The following TAFA4 variants were observed in gnomAD, a reference collection of about 807,000 sequenced individuals.
TAFA4 encodes chemokine-like protein TAFA-4.
Under a neutral mutation model 21.1 loss-of-function variants are expected in TAFA4, and 20 were observed. That is an observed-to-expected ratio of 0.95 (90% confidence interval 0.67 to 1.38). The LOEUF (loss-of-function observed/expected upper bound fraction) is 1.38. TAFA4 is among the 40% of genes most tolerant of loss of function. TAFA4 has a pLI of 0.00. For synonymous variants in TAFA4, 71 were observed against 67.4 expected (o/e 1.05, Z -0.26); for missense variants, 211 against 180.9 (o/e 1.17, Z -0.95).
At position 68,901,753 on chromosome 3, in the gene TAFA4, AC is replaced by A. The variant is rs1455025597; in HGVS notation, c.-122-16444del. 5.3e-5 allele frequency among the ~76,000 whole-genome samples: 8 copies of A among 152,200 alleles called. No individual in the cohort carries two copies. The East Asian group carries it at 1.2e-3, about 22-fold the overall frequency. The stretch of plus-strand genomic sequence containing the variant: ...TCTCTATTTGTAAAATCTGAAACAA[AC>A]TGCAAAAGCTGACTTTGGCTGATAC... On this transcript the variant is annotated intron_variant, in intron 1 of 5. Transcript: ENST00000295569.
intron 3 of TAFA4, among the ~76,000 whole-genome samples, chr3:68,814,393 G>A (rs1339239118): frequency 6.6e-6 from 1 of 152,108 alleles, no homozygotes; most frequent in Non-Finnish European, 1.5e-5. Context: ...GTTTGCAGAT[G>A]ACATGATTGT....
intron 3 of TAFA4, among the ~76,000 whole-genome samples, chr3:68,755,041 C>A (rs1163335139): frequency 6.6e-6 from 1 of 152,212 alleles, no homozygotes; most frequent in African/African-American, 2.4e-5. Flanking sequence ...TTACTCATCA[C>A]AACTAGGGAG....
intron 1 of TAFA4, among the ~76,000 whole-genome samples, chr3:68,927,893 C>CAA (rs1209770129): frequency 8.1e-6 from 1 of 123,506 alleles, no homozygotes; most frequent in African/African-American, 2.9e-5. Flanking sequence ...GACACCATCT[C>CAA]AAAAAAAAAA....
At chr3:68,852,247 T>A (rs114600401) in intron 3 of TAFA4, among the ~76,000 whole-genome samples, 89 of 152,260 alleles carry the variant, frequency 5.8e-4, no homozygotes, top group African/African-American at 1.6e-3. Context: ...GGAGGGACCA[T>A]GCATCTAAAG....
intron 5 of TAFA4, among the ~76,000 whole-genome samples, chr3:68,734,848 C>T (rs903713617): frequency 6.6e-6 from 1 of 152,138 alleles, no homozygotes; most frequent in Non-Finnish European, 1.5e-5. Flanking sequence ...CTTTCTGGAT[C>T]TATCAGTCTA....
At chr3:68,865,085 T>G (rs927637403) in intron 3 of TAFA4, among the ~76,000 whole-genome samples, 10 of 152,152 alleles carry the variant, frequency 6.6e-5, no homozygotes, top group African/African-American at 2.4e-4. Flanking sequence ...AAGTGTACAC[T>G]TTCAAATTTG....
At chr3:68,759,597 G>A (rs1461777981) in intron 3 of TAFA4, among the ~76,000 whole-genome samples, 1 of 152,146 alleles carries the variant, frequency 6.6e-6, no homozygotes, top group African/African-American at 2.4e-5. Context: ...TAAAACAGCA[G>A]GGGAACATAA....
chr3:68,753,789 C>G (rs1388264376), intron 3 of TAFA4, among the ~76,000 whole-genome samples: 1 of 152,196 alleles, frequency 6.6e-6, no homozygotes, highest in Non-Finnish European at 1.5e-5. Flanking sequence ...AAATGGAGAT[C>G]TCAGTCCTAC....
intron 3 of TAFA4, among the ~76,000 whole-genome samples, chr3:68,764,954 C>A (rs567394990): frequency 6.6e-6 from 1 of 152,240 alleles, no homozygotes; most frequent in African/African-American, 2.4e-5. Context: ...CCTTTCCCAG[C>A]ATCCCTGAAA....
rs139468297 is a variant in TAFA4 at position 68,747,981 on chromosome 3, C to T, written c.286+4882G>A. On this transcript the variant is annotated intron_variant, in intron 4 of 5. Coordinates refer to ENST00000295569, the MANE Select transcript of TAFA4 (RefSeq NM_182522.5). The stretch of plus-strand genomic sequence containing the variant: ...TGCTTCGTGCTGCCTTGTTCCCTGA[C>T]TCCCTCCACCATCATATCCTTCTAC... Among the ~76,000 whole-genome samples, 308 of 152,290 alleles carry T rather than the reference C, an allele frequency of 2.0e-3. 1 individual carries two copies. Among genetic ancestry groups the T allele is most frequent in the Middle Eastern group, 3.4e-3 (1 of 294 alleles).
chr3:68,786,482 C>A (rs1169814860), intron 3 of TAFA4, among the ~76,000 whole-genome samples: 1 of 152,146 alleles, frequency 6.6e-6, no homozygotes, highest in Non-Finnish European at 1.5e-5. Flanking sequence ...CATAGTGAGA[C>A]TCCACCCCTT....
chr3:68,741,468 C>A (rs1473233343), intron 4 of TAFA4, among the ~76,000 whole-genome samples: 2 of 152,240 alleles, frequency 1.3e-5, no homozygotes, highest in East Asian at 1.9e-4. Context: ...TTGTATTCTG[C>A]AGCTTTACTG....
chr3:68,840,219 T>C (rs376723665), intron 3 of TAFA4, among the ~76,000 whole-genome samples: 88 of 152,264 alleles, frequency 5.8e-4, no homozygotes, highest in East Asian at 1.9e-3. Context: ...GAATGACTGA[T>C]TGATTTATGA....
At chr3:68,840,584 C>T (rs183355807) in intron 3 of TAFA4, among the ~76,000 whole-genome samples, 3 of 152,244 alleles carry the variant, frequency 2.0e-5, no homozygotes, top group East Asian at 1.9e-4. Context: ...AATACAAACA[C>T]GTGCCTTTAG....
At chr3:68,887,316 A>C (rs1477549927) in intron 1 of TAFA4, among the ~76,000 whole-genome samples, 1 of 152,230 alleles carries the variant, frequency 6.6e-6, no homozygotes, top group Non-Finnish European at 1.5e-5. Context: ...AGCAGGAATT[A>C]GGTTGCCAAT....
intron 3 of TAFA4, among the ~76,000 whole-genome samples, chr3:68,786,711 C>T (rs557402176): frequency 1.3e-4 from 20 of 152,224 alleles, no homozygotes; most frequent in African/African-American, 4.3e-4. Flanking sequence ...TACAGATGCA[C>T]GAAAGTGATT....
chr3:68,897,433 C>T (rs1299025746), intron 1 of TAFA4, among the ~76,000 whole-genome samples: 1 of 151,944 alleles, frequency 6.6e-6, no homozygotes, highest in Non-Finnish European at 1.5e-5. Context: ...TGAGACCAGT[C>T]TGACCAACAT....
intron 1 of TAFA4, among the ~76,000 whole-genome samples, chr3:68,903,373 C>G (rs1290113789): frequency 6.6e-6 from 1 of 152,188 alleles, no homozygotes; most frequent in African/African-American, 2.4e-5. Context: ...TTATAAACGT[C>G]AGCAACAAAC....
intron 3 of TAFA4, among the ~76,000 whole-genome samples, chr3:68,820,533 G>T (rs1479200155): frequency 3.3e-5 from 5 of 152,002 alleles, no homozygotes; most frequent in Non-Finnish European, 5.9e-5. Flanking sequence ...TAAAAAATTA[G>T]CTGGGCATGA....
Sources: gnomAD v4.1 joint callset for allele counts (sites outside exome capture counted in the v4.1 genomes callset) on GRCh38, gnomAD v4.1.1 for gene constraint, MANE v1.5 for transcripts, NCBI Gene and HGNC (gene_info 2026-07-23, HGNC 2026-07-21) for gene names.